Variants in KDSR observed in about 807,000 individuals in gnomAD.
The protein encoded by KDSR is 3-ketodihydrosphingosine reductase.
KDSR carries 23 observed loss-of-function variants against 41.3 expected under a neutral mutation model. The ratio of observed to expected loss-of-function variants is 0.56; its 90% CI spans 0.40 to 0.79. The LOEUF is 0.79. Ranked by LOEUF, KDSR falls within the 30% of genes least tolerant of loss-of-function variation. The pLI, the probability that KDSR is intolerant of heterozygous loss-of-function variation, is 0.00. For missense variants in KDSR, 351 were observed against 416.8 expected (o/e 0.84, Z 1.37); for synonymous variants, 138 against 151.7 (o/e 0.91, Z 0.66).
intron 3 of KDSR, among the ~76,000 whole-genome samples, chr18:63,355,995 G>A (rs901886829): frequency 2.0e-5 from 3 of 152,186 alleles, no homozygotes; most frequent in Admixed American, 6.5e-5. Flanking sequence ...AGCCCTCTTT[G>A]CAAATATAAC....
intron 6 of KDSR, chr18:63,346,598 A>G (rs1318901842): frequency 6.6e-6 from 1 of 152,188 alleles, no homozygotes; most frequent in Non-Finnish European, 1.5e-5. Context: ...AGAGCTTTTC[A>G]GAACAGCTTC....
chr18:63,338,915 T>C, intron 7 of KDSR, 32 bp from the exon 8 acceptor site: 1 of 1,226,480 alleles, frequency 8.2e-7, no homozygotes, highest in Non-Finnish European at 1.2e-6. Context: ...CATAACAATA[T>C]CATGATTGCC....
At chr18:63,345,499 T>C (rs530336452) in intron 6 of KDSR, 13 of 152,346 alleles carry the variant, frequency 8.5e-5, no homozygotes, top group African/African-American at 2.6e-4. Flanking sequence ...TGATTTTTAT[T>C]TGGTATTGGC....
At chr18:63,365,810 T>C (rs1232885833) in intron 1 of KDSR, among the ~76,000 whole-genome samples, 4 of 151,376 alleles carry the variant, frequency 2.6e-5, no homozygotes, top group Admixed American at 1.3e-4. Context: ...GCCTTTCTCT[T>C]ATTTATTTTT....
At chr18:63,336,582 G>T (rs551735706) in intron 8 of KDSR, among the ~76,000 whole-genome samples, 3 of 152,136 alleles carry the variant, frequency 2.0e-5, no homozygotes, top group Admixed American at 1.3e-4. Flanking sequence ...TGATGAAAGC[G>T]ATTTTTCTGA....
intron 9 of KDSR, among the ~76,000 whole-genome samples, chr18:63,333,825 G>A (rs1388512007): frequency 6.6e-6 from 1 of 152,134 alleles, no homozygotes; most frequent in Non-Finnish European, 1.5e-5. Flanking sequence ...GGCCTGCTGC[G>A]GCAACCCAGG....
chr18:63,353,181 CA>C (rs759128571), intron 5 of KDSR, among the ~76,000 whole-genome samples: 23 of 140,542 alleles, frequency 1.6e-4, no homozygotes, highest in East Asian at 2.0e-4. Flanking sequence ...ACTCCGTCTC[CA>C]AAAAAAAAAG....
intron 9 of KDSR, among the ~76,000 whole-genome samples, chr18:63,334,328 T>C (rs2144347146): frequency 6.6e-6 from 1 of 151,722 alleles, no homozygotes; most frequent in Non-Finnish European, 1.5e-5. Flanking sequence ...TTGTAACCCC[T>C]ACTTCATTAC....
intron 5 of KDSR, among the ~76,000 whole-genome samples, chr18:63,352,230 T>A (rs1296704845): frequency 6.6e-6 from 1 of 152,224 alleles, no homozygotes; most frequent in Non-Finnish European, 1.5e-5. Flanking sequence ...AGATCAATCA[T>A]AATTTTTTTT....
intron 9 of KDSR, among the ~76,000 whole-genome samples, chr18:63,334,320 G>T (rs1914094236): frequency 6.6e-6 from 1 of 150,726 alleles, no homozygotes; most frequent in African/African-American, 2.4e-5. Flanking sequence ...TCCCTCTATT[G>T]TAACCCCTAC....
chr18:63,331,161 CA>C lies in KDSR; in HGVS notation c.*620del, dbSNP rs1344136162. On this transcript the variant is annotated 3_prime_UTR_variant, in exon 10 of 10. Coordinates refer to ENST00000645214, the MANE Select transcript of KDSR (RefSeq NM_002035.4). The stretch of plus-strand genomic sequence containing the variant: ...AAGAGAGAGAGAAGCCATGAGTTTC[CA>C]CCAGCAGCAGAGTGAGTCCTGAGCA... The C allele has an allele frequency of 1.7e-5, 4 of 233,104 alleles. No homozygotes were observed. The highest frequency in any genetic ancestry group is 3.4e-5 in the Non-Finnish European group (4 of 118,094). The allele number at this position is 233,104 out of a possible 1,614,324, so 14.4% of individuals were successfully genotyped here. A position where few individuals can be genotyped will look rare whatever the true frequency, so the allele number is the denominator to read the frequency against.
Position 63,350,874 on chromosome 18 carries a change from A to G in KDSR, c.609+14T>C. ...GCGGAGAGGAATAAATACAAAAATG[A>G]ATACAACTTTTACCTCCATCTGCAA... On this transcript the variant is annotated intron_variant, in intron 6 of 9. Transcript: ENST00000645214. The G allele has an allele frequency of 6.3e-7, 1 of 1,588,876 alleles. No homozygotes were observed. The highest frequency in any genetic ancestry group is 8.6e-7 in the Non-Finnish European group (1 of 1,160,884).
chr18:63,359,684 A>T, intron 3 of KDSR, 52 bp downstream of exon 3: 1 of 1,166,978 alleles, frequency 8.6e-7, no homozygotes, highest in Non-Finnish European at 1.3e-6. Context: ...TTTTTCCTTT[A>T]TACAGCTGTG....
chr18:63,363,596 C>A (rs916792632), intron 1 of KDSR, among the ~76,000 whole-genome samples: 2 of 151,474 alleles, frequency 1.3e-5, no homozygotes, highest in Non-Finnish European at 2.9e-5. Flanking sequence ...GTATATGTGC[C>A]ACATTTTCTT....
intron 9 of KDSR, among the ~76,000 whole-genome samples, chr18:63,334,646 GACT>G (rs937319292): frequency 6.6e-5 from 10 of 152,208 alleles, no homozygotes; most frequent in Non-Finnish European, 1.5e-4. Flanking sequence ...ACCGCGCCCG[GACT>G]ACTATCACCT....
chr18:63,337,084 A>ATC, intron 8 of KDSR, among the ~76,000 whole-genome samples: 1 of 42,188 alleles, frequency 2.4e-5, no homozygotes, highest in East Asian at 5.2e-4. Flanking sequence ...ATATATATAT[A>ATC]TATGTGACTT....
chr18:63,344,394 C>T lies in KDSR; in HGVS notation c.693+16G>A, dbSNP rs748243790. Reference sequence around the variant, plus strand: ...TAAACATTAGAGGTTCAAATTGGGACATGTAGGATACTGACCTTTGTTCTG... The same window carrying T: ...TAAACATTAGAGGTTCAAATTGGGATATGTAGGATACTGACCTTTGTTCTG... On this transcript the variant is annotated intron_variant, in intron 7 of 9. Coordinates refer to ENST00000645214, the MANE Select transcript of KDSR (RefSeq NM_002035.4). 1.0e-5 allele frequency: 16 copies of T among 1,577,972 alleles called. No individual in the cohort carries two copies. The South Asian group carries it at 1.7e-4, about 16-fold the overall frequency.
rs1185123481 is a variant in KDSR, at chr18:63,363,219, C to CT, written c.109-352dup. Among the ~76,000 whole-genome samples the CT allele has an allele frequency of 2.7e-3, 303 of 111,418 alleles. 2 individuals are homozygous for CT. Among genetic ancestry groups the CT allele is most frequent in the African/African-American group, 7.0e-3 (213 of 30,378 alleles). The allele number at this position is 111,418 out of a possible 152,430, so 73.1% of individuals were successfully genotyped here. A position where few individuals can be genotyped will look rare whatever the true frequency, so the allele number is the denominator to read the frequency against. ...TGAATCTTATTTTCTTTTTTTTTTTCTTTTTTTTTTTTTTATTATACTCTA... is the reference window on the plus strand; with the variant it reads ...TGAATCTTATTTTCTTTTTTTTTTTCTTTTTTTTTTTTTTTATTATACTCTA... On this transcript the variant is annotated intron_variant, in intron 1 of 9. Transcript: ENST00000645214.
chr18:63,335,884 T>G (rs1914140218), intron 8 of KDSR: 2 of 152,650 alleles, frequency 1.3e-5, no homozygotes, highest in Admixed American at 1.3e-4. Context: ...GTCTTCTTAA[T>G]ACTCTGTGTG....
Sources: gnomAD v4.1 joint callset for allele counts (sites outside exome capture counted in the v4.1 genomes callset) on GRCh38, gnomAD v4.1.1 for gene constraint, MANE v1.5 for transcripts, NCBI Gene and HGNC (gene_info 2026-07-23, HGNC 2026-07-21) for gene names.